LRMDA: variants seen among roughly 807,000 people sequenced by gnomAD.
LRMDA encodes the protein leucine-rich melanocyte differentiation-associated protein.
In LRMDA, 18 loss-of-function variants were observed where a neutral mutation model predicts 29.8. The observed-to-expected ratio is 0.60, with a 90% confidence interval of 0.42 to 0.90. The LOEUF is 0.90. LRMDA is among the 40% of genes least tolerant of loss of function. The pLI is 0.00. For synonymous variants in LRMDA, 125 were observed against 109.4 expected, an observed-to-expected ratio of 1.14 and a Z score of -0.89; for missense variants, 273 against 273.9, an observed-to-expected ratio of 1.00 and a Z score of 0.02.
At chr10:76,555,558 C>T (rs1056944529) in intron 6 of LRMDA, among the ~76,000 whole-genome samples, 5 of 152,294 alleles carry the variant, frequency 3.3e-5, no homozygotes, top group African/African-American at 9.6e-5. Flanking sequence ...CCAGCAATTT[C>T]TAGCTTTGTT....
intron 2 of LRMDA, among the ~76,000 whole-genome samples, chr10:75,949,115 A>T (rs1846529301): frequency 6.6e-6 from 1 of 152,118 alleles, no homozygotes; most frequent in Non-Finnish European, 1.5e-5. Flanking sequence ...GCAGCGTACT[A>T]GCATGAGGCC....
At chr10:76,449,948 G>A (rs551697776) in intron 6 of LRMDA, among the ~76,000 whole-genome samples, 1 of 151,772 alleles carries the variant, frequency 6.6e-6, no homozygotes, top group Non-Finnish European at 1.5e-5. Flanking sequence ...ATTTAATTTT[G>A]TGCCCATGTT....
intron 5 of LRMDA, among the ~76,000 whole-genome samples, chr10:76,090,071 C>A (rs1849205345): frequency 6.6e-6 from 1 of 152,100 alleles, no homozygotes; most frequent in Admixed American, 6.5e-5. Flanking sequence ...AAACTGAGCA[C>A]CAGGAGGAGA....
intron 5 of LRMDA, among the ~76,000 whole-genome samples, chr10:76,059,031 T>C (rs866205915): frequency 6.6e-6 from 1 of 152,156 alleles, no homozygotes; most frequent in East Asian, 1.9e-4. Flanking sequence ...ACTGCAGGTC[T>C]CCTTCTTGGA....
At chr10:76,435,668 A>T (rs907429210) in intron 6 of LRMDA, among the ~76,000 whole-genome samples, 5 of 152,178 alleles carry the variant, frequency 3.3e-5, no homozygotes, top group African/African-American at 1.2e-4. Context: ...ACCCCCGCTC[A>T]TCTTATTCTT....
chr10:75,558,615 T>C (rs1398747368), intron 2 of LRMDA, among the ~76,000 whole-genome samples: 1 of 150,306 alleles, frequency 6.7e-6, no homozygotes, highest in Non-Finnish European at 1.5e-5. Flanking sequence ...TGTGCCGTGC[T>C]GGTGTGCTGC....
intron 5 of LRMDA, among the ~76,000 whole-genome samples, chr10:76,138,477 C>A (rs1035847511): frequency 1.3e-5 from 2 of 152,166 alleles, no homozygotes; most frequent in Non-Finnish European, 2.9e-5. Context: ...CCAGGTCAGG[C>A]ATTCCTCAAT....
At chr10:75,758,951 T>C (rs1016550743) in intron 2 of LRMDA, among the ~76,000 whole-genome samples, 1 of 131,938 alleles carries the variant, frequency 7.6e-6, no homozygotes, top group South Asian at 2.3e-4. Context: ...TTTGCCAGTA[T>C]TTTTTTTTTT....
At chr10:75,485,532 C>T (rs1302636015) in intron 2 of LRMDA, among the ~76,000 whole-genome samples, 1 of 152,018 alleles carries the variant, frequency 6.6e-6, no homozygotes, top group East Asian at 1.9e-4. Flanking sequence ...GAGCAGCTGG[C>T]ACTACAGGTG....
intron 5 of LRMDA, among the ~76,000 whole-genome samples, chr10:76,221,531 GAA>G (rs921926904): frequency 1.3e-5 from 2 of 152,170 alleles, no homozygotes; most frequent in Admixed American, 6.5e-5. Context: ...GTTTCAAAGA[GAA>G]TAAAATACCT....
chr10:75,592,394 C>A (rs550137383), intron 2 of LRMDA, among the ~76,000 whole-genome samples: 1 of 152,206 alleles, frequency 6.6e-6, no homozygotes, highest in Non-Finnish European at 1.5e-5. Context: ...TCATCTGCTG[C>A]CCGAAGTTGT....
chr10:75,932,091 G>T (rs986170837), intron 2 of LRMDA, among the ~76,000 whole-genome samples: 3 of 152,158 alleles, frequency 2.0e-5, no homozygotes, highest in Non-Finnish European at 4.4e-5. Context: ...TCAATAACAA[G>T]TTTTTTGGGT....
chr10:76,263,539 A>G (rs1292369213), intron 5 of LRMDA, among the ~76,000 whole-genome samples: 1 of 152,184 alleles, frequency 6.6e-6, no homozygotes, highest in African/African-American at 2.4e-5. Context: ...ACATTACTCA[A>G]GCTTCTACAT....
chr10:76,169,061 T>C (rs1850789317), intron 5 of LRMDA, among the ~76,000 whole-genome samples: 1 of 152,174 alleles, frequency 6.6e-6, no homozygotes, highest in African/African-American at 2.4e-5. Flanking sequence ...TATGGGGAGT[T>C]AAGAACTATG....
At chr10:76,042,703 TCA>T (rs1848361511) in intron 3 of LRMDA, among the ~76,000 whole-genome samples, 1 of 152,204 alleles carries the variant, frequency 6.6e-6, no homozygotes, top group Non-Finnish European at 1.5e-5. Context: ...TGCAAATTTC[TCA>T]TAGTTTCATT....
intron 2 of LRMDA, chr10:75,783,050 G>C (rs1299909169): frequency 6.2e-7 from 1 of 1,613,714 alleles, no homozygotes; most frequent in Admixed American, 1.7e-5. Context: ...CTTAATCAAA[G>C]AGTCGGTCTT....
At chr10:75,790,968 C>T (rs1843555488) in intron 2 of LRMDA, among the ~76,000 whole-genome samples, 2 of 152,126 alleles carry the variant, frequency 1.3e-5, no homozygotes, top group African/African-American at 2.4e-5. Context: ...CAACTATTTG[C>T]CTATTTGATC....
intron 2 of LRMDA, among the ~76,000 whole-genome samples, chr10:75,457,141 G>A (rs1009463418): frequency 6.6e-6 from 1 of 152,216 alleles, no homozygotes; most frequent in Non-Finnish European, 1.5e-5. Flanking sequence ...ATGTGCAGAG[G>A]TTAAAAGGCT....
At chr10:75,700,905 G>A (rs940394004) in intron 2 of LRMDA, among the ~76,000 whole-genome samples, 4 of 152,174 alleles carry the variant, frequency 2.6e-5, no homozygotes, top group African/African-American at 4.8e-5. Flanking sequence ...CAAAGCATGT[G>A]ATCATTCCAC....
Sources: gnomAD v4.1 joint callset for allele counts (sites outside exome capture counted in the v4.1 genomes callset) on GRCh38, gnomAD v4.1.1 for gene constraint, MANE v1.5 for transcripts, NCBI Gene and HGNC (gene_info 2026-07-23, HGNC 2026-07-21) for gene names.